Variants in MGAT5 observed in about 807,000 individuals in gnomAD.
MGAT5 encodes the protein alpha-1,6-mannosylglycoprotein 6-beta-N-acetylglucosaminyltransferase A.
MGAT5 carries 30 observed loss-of-function variants against 94.3 expected under a neutral mutation model. The observed-to-expected ratio is 0.32, with a 90% CI of 0.24 to 0.43. MGAT5 has a LOEUF of 0.43. Ranked by LOEUF, MGAT5 falls within the 20% of genes least tolerant of loss-of-function variation. The pLI, the probability that MGAT5 is intolerant of heterozygous loss-of-function variation, is 1.00. For missense variants in MGAT5, 691 were observed against 905.5 expected, an observed-to-expected ratio of 0.76 and a Z score of 3.04; for synonymous variants, 310 against 322.9, an observed-to-expected ratio of 0.96 and a Z score of 0.43.
chr2:134,400,491 A>G (rs1425381497), intron 10 of MGAT5, among the ~76,000 whole-genome samples: 1 of 152,156 alleles, frequency 6.6e-6, no homozygotes, highest in Non-Finnish European at 1.5e-5. Context: ...ATACCTCTTT[A>G]TATTTGCCTG....
intron 10 of MGAT5, among the ~76,000 whole-genome samples, chr2:134,387,300 T>TGA (rs1553458908): frequency 1.8e-4 from 7 of 39,690 alleles, no homozygotes; most frequent in Non-Finnish European, 2.5e-4. Context: ...AAGTTATGTA[T>TGA]GATATATATA....
At chr2:134,334,519 T>TTTTTTTTC (rs1688218935) in intron 4 of MGAT5, among the ~76,000 whole-genome samples, 4 of 138,632 alleles carry the variant, frequency 2.9e-5, no homozygotes, top group East Asian at 2.2e-4. Context: ...TTTTTTTTTT[T>TTTTTTTTC]GCAGGGTTGG....
At chr2:134,169,393 CACACACACACACACACACAG>C (rs918096416) in intron 1 of MGAT5, among the ~76,000 whole-genome samples, 3 of 124,682 alleles carry the variant, frequency 2.4e-5, no homozygotes, top group East Asian at 2.4e-4. Flanking sequence ...AAAATACACA[CACACACACACACACACACAG>C]ACACACACAC....
At chr2:134,426,631 A>G (rs748557481) in intron 13 of MGAT5, among the ~76,000 whole-genome samples, 9 of 152,208 alleles carry the variant, frequency 5.9e-5, no homozygotes, top group Non-Finnish European at 1.3e-4. Context: ...CATTCCTTCT[A>G]TGAATCTTTG....
intron 4 of MGAT5, among the ~76,000 whole-genome samples, chr2:134,335,495 A>G (rs996718394): frequency 6.6e-5 from 10 of 152,126 alleles, no homozygotes; most frequent in African/African-American, 1.9e-4. Flanking sequence ...AATAATTTCT[A>G]TAGAATCAAG....
chr2:134,308,307 G>C (rs1479076782), intron 2 of MGAT5, among the ~76,000 whole-genome samples: 1 of 152,142 alleles, frequency 6.6e-6, no homozygotes, highest in Non-Finnish European at 1.5e-5. Flanking sequence ...GCAACAAAGA[G>C]ACCCAAAAAT....
chr2:134,313,782 C>T (rs1377502519), intron 2 of MGAT5, among the ~76,000 whole-genome samples: 1 of 152,052 alleles, frequency 6.6e-6, no homozygotes, highest in Admixed American at 6.5e-5. Context: ...CATGAGTAAA[C>T]TATGTGATGC....
chr2:134,239,164 A>C lies in MGAT5; in HGVS notation c.-142-15098A>C, dbSNP rs568394110. Among the ~76,000 whole-genome samples, 3 of 151,870 alleles carry C rather than the reference A, an allele frequency of 2.0e-5. No individual in the cohort carries two copies. The South Asian group carries it at 6.2e-4, about 32-fold the overall frequency. Reference sequence around the variant, plus strand: ...CAGGCACATGCCACCACACCTGGCTAATTTTTTGTATTTTTCGTAGAGGCA... The same window carrying C: ...CAGGCACATGCCACCACACCTGGCTCATTTTTTGTATTTTTCGTAGAGGCA... On this transcript the variant is annotated intron_variant, in intron 1 of 16. Coordinates refer to the MGAT5 transcript ENST00000409645.
At chr2:134,351,636 A>G (rs1679391110) in intron 9 of MGAT5, among the ~76,000 whole-genome samples, 1 of 152,208 alleles carries the variant, frequency 6.6e-6, no homozygotes, top group African/African-American at 2.4e-5. Context: ...AGACAAAAAC[A>G]TGGATTAATT....
intron 1 of MGAT5, among the ~76,000 whole-genome samples, chr2:134,178,725 C>A (rs1374298525): frequency 6.6e-6 from 1 of 152,148 alleles, no homozygotes; most frequent in Non-Finnish European, 1.5e-5. Flanking sequence ...AACTTGAATT[C>A]TTGATTCCCT....
Position 134,383,681 on chromosome 2 carries a change from T to C in MGAT5, c.1381-19307T>C, listed in dbSNP as rs563376058. 2.6e-5 allele frequency among the ~76,000 whole-genome samples: 4 copies of C among 152,206 alleles called. No individual in the cohort carries two copies. In the East Asian group the frequency reaches 7.7e-4, roughly 29 times the overall value. On this transcript the variant is annotated intron_variant, in intron 10 of 15. Transcript: ENST00000281923. ...AACTGCAGCCCACATACCTGTCACC[T>C]GTTTTTGTATAGCCAATGAGCTAAG... is the stretch of plus-strand genomic sequence containing the variant.
chr2:134,275,684 C>T (rs1418660131), intron 2 of MGAT5, among the ~76,000 whole-genome samples: 1 of 151,308 alleles, frequency 6.6e-6, no homozygotes, highest in African/African-American at 2.4e-5. Flanking sequence ...TCCATGTCCC[C>T]ACCCCCTGCC....
chr2:134,272,337 A>G (rs906976908), intron 2 of MGAT5, among the ~76,000 whole-genome samples: 2 of 151,480 alleles, frequency 1.3e-5, no homozygotes, highest in Non-Finnish European at 2.9e-5. Flanking sequence ...TGTGTTTTTA[A>G]TAATATTTAA....
chr2:134,204,193 T>G (rs1679926786), intron 1 of MGAT5, among the ~76,000 whole-genome samples: 1 of 152,244 alleles, frequency 6.6e-6, no homozygotes, highest in African/African-American at 2.4e-5. Flanking sequence ...TCCCACCATC[T>G]GTAGGGTTTG....
At chr2:134,417,806 A>G (rs879431756) in intron 12 of MGAT5, among the ~76,000 whole-genome samples, 1 of 152,158 alleles carries the variant, frequency 6.6e-6, no homozygotes, top group African/African-American at 2.4e-5. Context: ...ATAGTGTCAC[A>G]TACTATACAA....
At chr2:134,432,942 T>G (rs1200275851) in intron 14 of MGAT5, among the ~76,000 whole-genome samples, 1 of 152,350 alleles carries the variant, frequency 6.6e-6, no homozygotes, top group East Asian at 1.9e-4. Flanking sequence ...AGGTATAGTT[T>G]ACAGACCATA....
At chr2:134,341,835 T>A in intron 7 of MGAT5, 76 bp downstream of exon 7, 1 of 1,286,064 alleles carries the variant, frequency 7.8e-7, no homozygotes, top group Non-Finnish European at 1.1e-6. Context: ...TTACCTCTAT[T>A]AGTGTATAAT....
intron 10 of MGAT5, among the ~76,000 whole-genome samples, chr2:134,367,361 C>A (rs989785156): frequency 7.9e-5 from 12 of 152,190 alleles, no homozygotes; most frequent in African/African-American, 2.7e-4. Context: ...AATTCTAATT[C>A]TTAGTCTATG....
intron 10 of MGAT5, among the ~76,000 whole-genome samples, chr2:134,369,403 G>T (rs916025132): frequency 6.6e-6 from 1 of 152,192 alleles, no homozygotes; most frequent in African/African-American, 2.4e-5. Flanking sequence ...ATACTGCACA[G>T]GGAAATGGGA....
Sources: allele counts gnomAD v4.1 joint callset (sites outside exome capture counted in the v4.1 genomes callset), GRCh38; gene constraint gnomAD v4.1.1; transcripts MANE v1.5; gene names NCBI Gene and HGNC (gene_info 2026-07-23, HGNC 2026-07-21).